Variants in ATP9A observed in about 807,000 individuals in gnomAD.
The protein encoded by ATP9A is ATPase phospholipid transporting 9A, also known as probable phospholipid-transporting ATPase IIA.
Under a neutral mutation model 144.1 loss-of-function variants are expected in ATP9A, and 52 were observed. The ratio of observed to expected loss-of-function variants is 0.36; its 90% CI spans 0.29 to 0.45. ATP9A has a LOEUF of 0.45. Among genes scored for constraint, ATP9A ranks in the 20% least tolerant of loss-of-function variants. The pLI, the probability that ATP9A is intolerant of heterozygous loss-of-function variation, is 1.00. For synonymous variants in ATP9A, 582 were observed against 557.4 expected, an observed-to-expected ratio of 1.04 and a Z score of -0.62; for missense variants, 947 against 1,392.7, an observed-to-expected ratio of 0.68 and a Z score of 5.09.
intron 3 of ATP9A, among the ~76,000 whole-genome samples, chr20:51,722,470 T>C (rs949556689): frequency 1.3e-5 from 2 of 152,006 alleles, no homozygotes; most frequent in African/African-American, 4.8e-5. Context: ...ATCCAGAATC[T>C]ACAAAGAACT....
At chr20:51,671,092 GC>G in intron 12 of ATP9A, 22 bp downstream of exon 12, 1 of 1,608,550 alleles carries the variant, frequency 6.2e-7, no homozygotes, top group Non-Finnish European at 8.5e-7. Context: ...GGAATCCTGC[GC>G]AGGTCCCAGA....
At chr20:51,624,250 A>G (rs1439791148) in intron 18 of ATP9A, among the ~76,000 whole-genome samples, 1 of 152,184 alleles carries the variant, frequency 6.6e-6, no homozygotes, top group Non-Finnish European at 1.5e-5. Context: ...GTTGCCTGGC[A>G]TCTAACCTGT....
chr20:51,675,055 A>C (rs1053516948), intron 10 of ATP9A, among the ~76,000 whole-genome samples: 4 of 152,170 alleles, frequency 2.6e-5, no homozygotes, highest in Admixed American at 2.6e-4. Flanking sequence ...CAGGTGATCC[A>C]CCTGCCTCGG....
intron 3 of ATP9A, among the ~76,000 whole-genome samples, chr20:51,714,832 T>C (rs1026708133): frequency 7.9e-5 from 12 of 152,218 alleles, no homozygotes; most frequent in Non-Finnish European, 1.6e-4. Context: ...ATTGCATAAG[T>C]AGAAACTAAT....
intron 14 of ATP9A, among the ~76,000 whole-genome samples, chr20:51,648,077 C>G (rs1009141149): frequency 5.3e-5 from 8 of 152,200 alleles, no homozygotes; most frequent in African/African-American, 1.9e-4. Context: ...CTCCAACACC[C>G]TCCTAAATCT....
At chr20:51,651,369 T>C (rs1267368229) in intron 14 of ATP9A, among the ~76,000 whole-genome samples, 1 of 141,154 alleles carries the variant, frequency 7.1e-6, no homozygotes, top group African/African-American at 2.6e-5. Context: ...ACATTATATA[T>C]ATTTCTTTAC....
intron 1 of ATP9A, among the ~76,000 whole-genome samples, chr20:51,756,616 A>G (rs2077857350): frequency 4.6e-5 from 7 of 151,816 alleles, no homozygotes; most frequent in Admixed American, 4.6e-4. Flanking sequence ...ATCTCCTCCT[A>G]TAAGGTCACC....
chr20:51,691,987 C>A (rs1465445401), intron 7 of ATP9A, among the ~76,000 whole-genome samples: 1 of 152,164 alleles, frequency 6.6e-6, no homozygotes, highest in East Asian at 1.9e-4. Context: ...TTAAATAAAC[C>A]AGTCACAAAA....
intron 4 of ATP9A, among the ~76,000 whole-genome samples, chr20:51,711,166 T>C (rs1568831167): frequency 6.6e-6 from 1 of 152,190 alleles, no homozygotes. Flanking sequence ...CTAAATACAG[T>C]AGTTTAGCAT....
intron 15 of ATP9A, among the ~76,000 whole-genome samples, chr20:51,631,654 T>C (rs978683931): frequency 2.6e-5 from 4 of 152,178 alleles, no homozygotes; most frequent in African/African-American, 9.7e-5. Context: ...TGTGGCATTG[T>C]TTGGGGGCCT....
chr20:51,640,463 G>C (rs958802424), intron 14 of ATP9A, among the ~76,000 whole-genome samples: 3 of 152,236 alleles, frequency 2.0e-5, no homozygotes, highest in Admixed American at 6.5e-5. Context: ...CAATAGTGCT[G>C]AGGTGGAGAA....
intron 13 of ATP9A, among the ~76,000 whole-genome samples, chr20:51,657,451 C>A (rs1021057089): frequency 6.6e-6 from 1 of 152,052 alleles, no homozygotes; most frequent in African/African-American, 2.4e-5. Context: ...GGGCTTTTGA[C>A]AGAATGAGGA....
At chr20:51,719,731 C>CAG (rs2077680176) in intron 3 of ATP9A, among the ~76,000 whole-genome samples, 1 of 55,316 alleles carries the variant, frequency 1.8e-5, no homozygotes, top group African/African-American at 6.6e-5. Context: ...GACTCTGTCT[C>CAG]AAAAAAAAAA....
intron 1 of ATP9A, among the ~76,000 whole-genome samples, chr20:51,761,262 T>A (rs764821314): frequency 1.3e-5 from 2 of 152,232 alleles, no homozygotes; most frequent in African/African-American, 2.4e-5. Context: ...AGATAATGAG[T>A]CACATAAACA....
At chr20:51,671,817 G>C (rs1202739961) in intron 11 of ATP9A, among the ~76,000 whole-genome samples, 4 of 147,042 alleles carry the variant, frequency 2.7e-5, no homozygotes, top group African/African-American at 7.5e-5. Flanking sequence ...TTTTTTTTTT[G>C]AGACGAAGTC....
chr20:51,748,948 T>TAGACAGACAGAC (rs60891087), intron 1 of ATP9A, among the ~76,000 whole-genome samples: 18,224 of 137,548 alleles, frequency 0.13, 1,416 homozygotes, highest in East Asian at 0.2. Context: ...GATAGATAGA[T>TAGACAGACAGAC]AGACAGACAG....
chr20:51,670,651 A>G (rs772436243), intron 12 of ATP9A, among the ~76,000 whole-genome samples: 112 of 152,294 alleles, frequency 7.4e-4, no homozygotes, highest in Admixed American at 1.4e-3. Context: ...GATGAGGCTG[A>G]AACCAGATCT....
chr20:51,655,426 C>T (rs538241505), intron 14 of ATP9A, among the ~76,000 whole-genome samples: 1 of 152,200 alleles, frequency 6.6e-6, no homozygotes, highest in South Asian at 2.1e-4. Context: ...CAAACAACAC[C>T]TCAACAACAA....
intron 1 of ATP9A, among the ~76,000 whole-genome samples, chr20:51,766,605 G>T (rs369545639): frequency 6.6e-6 from 1 of 152,144 alleles, no homozygotes; most frequent in Admixed American, 6.5e-5. Context: ...ACTTTGGAAG[G>T]CCGAGGTGGG....
Sources: allele counts gnomAD v4.1 joint callset (sites outside exome capture counted in the v4.1 genomes callset), GRCh38; gene constraint gnomAD v4.1.1; transcripts MANE v1.5; gene names NCBI Gene and HGNC (gene_info 2026-07-23, HGNC 2026-07-21).